NIPBL: variants seen among roughly 807,000 people sequenced by gnomAD.
NIPBL encodes the protein NIPBL cohesin loading factor, also known as nipped-B-like protein.
NIPBL carries 19 observed loss-of-function variants against 321.8 expected under a neutral mutation model. The ratio of observed to expected loss-of-function variants is 0.06; its 90% confidence interval spans 0.04 to 0.09. The LOEUF (loss-of-function observed/expected upper bound fraction) is 0.09. Among genes scored for constraint, NIPBL ranks in the 10% least tolerant of loss-of-function variants. The pLI is 1.00. For synonymous variants in NIPBL, 1,106 were observed against 1,114.1 expected (o/e 0.99, Z 0.14); for missense variants, 2,210 against 3,327.0 (o/e 0.66, Z 8.26).
intron 39 of NIPBL, among the ~76,000 whole-genome samples, 169 bp from the exon 40 acceptor site, chr5:37,048,940 GAC>G (rs1753240359): frequency 6.8e-6 from 1 of 146,750 alleles, no homozygotes. Context: ...AGGGGCCTCT[GAC>G]ACAGACACAC....
chr5:36,913,701 G>A (rs1748230924), intron 1 of NIPBL, among the ~76,000 whole-genome samples: 1 of 152,018 alleles, frequency 6.6e-6, no homozygotes, highest in Non-Finnish European at 1.5e-5. Context: ...TTTGCATGTG[G>A]TAGCATATTA....
rs762670218 is a variant in NIPBL at position 36,995,796 on chromosome 5, C to T, written c.3296C>T (p.Ala1099Val). The T allele has an allele frequency of 3.1e-6, 5 of 1,612,042 alleles. No individual in the cohort carries two copies. The highest frequency in any genetic ancestry group is 3.4e-6 in the Non-Finnish European group (4 of 1,178,492). ...SSDEDNDSDEAFESSRKRHKK... is the reference protein window; with the variant it reads ...SSDEDNDSDEVFESSRKRHKK... ...GATGAAGATAATGATAGTGATGAAGCTTTTGAATGTAAGTATCACAGAACT... is the reference window on the plus strand; with the variant it reads ...GATGAAGATAATGATAGTGATGAAGTTTTTGAATGTAAGTATCACAGAACT... The change falls in exon 11 of 47, where the codon GCT becomes GTT. Residue 1099 changes from alanine (A) to valine (V), a missense_variant. By Grantham distance (64) the Ala-to-Val change is moderately conservative (BLOSUM62 0). Coordinates refer to ENST00000282516, the MANE Select transcript of NIPBL (RefSeq NM_133433.4).
At chr5:37,055,616 A>C (rs186419201) in intron 42 of NIPBL, among the ~76,000 whole-genome samples, 2 of 152,226 alleles carry the variant, frequency 1.3e-5, no homozygotes, top group East Asian at 3.9e-4. Context: ...GGTAATAGTC[A>C]GATGCTACTG....
At chr5:36,882,095 G>C (rs751123465) in intron 1 of NIPBL, among the ~76,000 whole-genome samples, 1 of 151,870 alleles carries the variant, frequency 6.6e-6, no homozygotes, top group East Asian at 1.9e-4. Context: ...GAGGTTGTGC[G>C]CTTATTCCAG....
At chr5:37,011,456 G>A (rs1748112117) in intron 21 of NIPBL, among the ~76,000 whole-genome samples, 1 of 152,178 alleles carries the variant, frequency 6.6e-6, no homozygotes, top group African/African-American at 2.4e-5. Flanking sequence ...TCAGGAGGCT[G>A]AAACAGGAGG....
rs528630198 is a variant in NIPBL at position 37,008,242 on chromosome 5, T to C, written c.4320+154T>C. ...TTTTACTAAGTCTTATTAGACTTTA[T>C]TAATTGAGGATTTATTTTTCTGTTT... On this transcript the variant is annotated intron_variant, in intron 19 of 46. Transcript: ENST00000282516. Among the ~76,000 whole-genome samples the C allele has an allele frequency of 3.3e-5, 5 of 152,290 alleles. No homozygotes were observed. The South Asian group carries it at 8.3e-4, about 25-fold the overall frequency.
chr5:37,052,414 A>G lies in NIPBL; in HGVS notation c.7111A>G (p.Ile2371Val), dbSNP rs143355392. The change falls in exon 42 of 47, where the codon ATC becomes GTC. Residue 2371 changes from isoleucine to valine, a missense_variant. Around this residue, in one of 14 missense-constraint regions of NIPBL, gnomAD observed 112 missense variants for 288.3 expected, o/e 0.39. Coordinates refer to ENST00000282516, the MANE Select transcript of NIPBL (RefSeq NM_133433.4). ...MKMSYQVQQAINTCLKDPVRG... is the reference protein window; with the variant it reads ...MKMSYQVQQAVNTCLKDPVRG... ...GATGTCTTACCAGGTACAACAGGCA[A>G]TCAACACATGCCTAAAAGATCCTGT... 2 of 1,613,998 alleles carry G rather than the reference A, an allele frequency of 1.2e-6. No homozygotes were observed. The highest frequency in any genetic ancestry group is 1.7e-6 in the Non-Finnish European group (2 of 1,179,988).
intron 1 of NIPBL, among the ~76,000 whole-genome samples, chr5:36,945,706 A>G (rs966181194): frequency 2.0e-5 from 3 of 152,210 alleles, no homozygotes; most frequent in African/African-American, 7.2e-5. Flanking sequence ...AAAAGCAGAA[A>G]TGTTTTAAAG....
chr5:36,997,945 A>G (rs868669759), intron 11 of NIPBL, among the ~76,000 whole-genome samples: 1 of 152,216 alleles, frequency 6.6e-6, no homozygotes, highest in African/African-American at 2.4e-5. Flanking sequence ...TCTAAAACCA[A>G]GGAAATAGTT....
chr5:36,952,045 TGTGTGTGTGCGC>T (rs937789322), intron 1 of NIPBL, among the ~76,000 whole-genome samples: 17 of 116,370 alleles, frequency 1.5e-4, no homozygotes, highest in African/African-American at 3.9e-4. Flanking sequence ...TGTGTGTGTG[TGTGTGTGTGCGC>T]GCGCGCGCGC....
chr5:36,934,686 T>C (rs1396912530), intron 1 of NIPBL, among the ~76,000 whole-genome samples: 1 of 152,174 alleles, frequency 6.6e-6, no homozygotes, highest in Non-Finnish European at 1.5e-5. Flanking sequence ...CATTCATACA[T>C]TGGTACTGTA....
At chr5:36,949,050 A>C (rs1203871843) in intron 1 of NIPBL, among the ~76,000 whole-genome samples, 3 of 151,900 alleles carry the variant, frequency 2.0e-5, no homozygotes, top group Non-Finnish European at 4.4e-5. Flanking sequence ...CATTTGTTGC[A>C]TTTAACGAAC....
intron 42 of NIPBL, among the ~76,000 whole-genome samples, chr5:37,054,982 T>C (rs1753944677): frequency 6.6e-6 from 1 of 151,924 alleles, no homozygotes; most frequent in Admixed American, 6.6e-5. Flanking sequence ...TTTAGGAAGA[T>C]GAATTTTTTT....
intron 1 of NIPBL, among the ~76,000 whole-genome samples, chr5:36,942,812 G>A (rs1486925757): frequency 6.6e-6 from 1 of 151,068 alleles, no homozygotes; most frequent in African/African-American, 2.4e-5. Context: ...ATATTATTTA[G>A]TGGTTATATT....
intron 1 of NIPBL, among the ~76,000 whole-genome samples, chr5:36,900,545 A>G (rs1313508359): frequency 6.6e-6 from 1 of 152,154 alleles, no homozygotes; most frequent in Non-Finnish European, 1.5e-5. Flanking sequence ...CATAATTACA[A>G]TGAATGTATG....
rs1416720608 is a variant in NIPBL at position 37,010,194 on chromosome 5, A to G, written c.4529A>G (p.Asp1510Gly). The G allele has an allele frequency of 6.2e-7, 1 of 1,609,718 alleles. No individual in the cohort carries two copies. The highest frequency in any genetic ancestry group is 8.5e-7 in the Non-Finnish European group (1 of 1,176,128). The change falls in exon 21 of 47, where the codon GAC becomes GGC. Residue 1510 changes from aspartate to glycine, a missense_variant. Around this residue, in one of 14 missense-constraint regions of NIPBL, gnomAD observed 381 missense variants for 642.3 expected, o/e 0.59. Transcript: ENST00000282516. ...GTACACTTACCATCATCAGAGAAGG[A>G]CTCTAATGCAGAAGAAGATTCAAAT... Reference protein sequence around the residue: ...CVVHLPSSEKDSNAEEDSNKK... With the variant: ...CVVHLPSSEKGSNAEEDSNKK...
At chr5:37,008,280 G>A (rs986336398) in intron 19 of NIPBL, among the ~76,000 whole-genome samples, 192 bp downstream of exon 19, 1 of 151,810 alleles carries the variant, frequency 6.6e-6, no homozygotes, top group Non-Finnish European at 1.5e-5. Context: ...TTAATTTGTT[G>A]GGTTATTCTG....
chr5:36,879,591 T>TA (rs1745355461), intron 1 of NIPBL, among the ~76,000 whole-genome samples: 2 of 152,128 alleles, frequency 1.3e-5, no homozygotes, highest in Non-Finnish European at 2.9e-5. Context: ...GTGTAGAGTG[T>TA]TCTGCTTCCC....
At chr5:37,014,650 G>C (rs776329573) in intron 21 of NIPBL, 33 bp from the exon 22 acceptor site, 1 of 1,267,996 alleles carries the variant, frequency 7.9e-7, no homozygotes, top group Non-Finnish European at 1.2e-6. Context: ...ATTATTTCTT[G>C]TATCTTTATA....
Sources: allele counts gnomAD v4.1 joint callset (sites outside exome capture counted in the v4.1 genomes callset), GRCh38; gene constraint gnomAD v4.1.1; regional missense constraint gnomAD v4.1.1; transcripts MANE v1.5; gene names NCBI Gene and HGNC (gene_info 2026-07-23, HGNC 2026-07-21).